The following IPO7 variants were observed in gnomAD, a reference collection of about 807,000 sequenced individuals.
The protein encoded by IPO7 is importin-7.
In IPO7, 13 loss-of-function variants were observed where a neutral mutation model predicts 136.4. That is an observed-to-expected ratio of 0.10 (90% CI 0.06 to 0.15). The LOEUF is 0.15. Ranked by LOEUF, IPO7 falls within the 10% of genes least tolerant of loss-of-function variation. The pLI is 1.00. For missense variants in IPO7, 857 were observed against 1,240.6 expected, an observed-to-expected ratio of 0.69 and a Z score of 4.65; for synonymous variants, 403 against 404.4, an observed-to-expected ratio of 1.00 and a Z score of 0.04.
At chr11:9,433,679 C>A (rs755242229) in intron 17 of IPO7, 42 bp from the exon 18 acceptor site, 1 of 1,612,756 alleles carries the variant, frequency 6.2e-7, no homozygotes, top group Non-Finnish European at 8.5e-7. Flanking sequence ...TGCTATTTCA[C>A]ATGAGCAAGC....
intron 24 of IPO7, 146 bp from the exon 25 acceptor site, chr11:9,444,951 G>C: frequency 1.6e-6 from 1 of 613,868 alleles, no homozygotes; most frequent in Non-Finnish European, 2.9e-6. Flanking sequence ...ATGCTCCCTT[G>C]CCCTTATACA....
chr11:9,433,842 T>C lies in IPO7; in HGVS notation c.2070T>C (p.Phe690=). ...EVFQQDGFDY[F]TDMMPLLHNY... The stretch of plus-strand genomic sequence containing the variant: ...TTCAGCAAGATGGCTTTGATTACTT[T>C]ACAGGTGAGTCAAAGCAGCATGGAA... The change falls in exon 18 of 25, where the codon TTT becomes TTC. Residue 690 remains phenylalanine (F), a synonymous_variant. Transcript: ENST00000379719. The C allele has an allele frequency of 1.2e-6, 2 of 1,610,350 alleles. No individual in the cohort carries two copies. The highest frequency in any genetic ancestry group is 1.7e-6 in the Non-Finnish European group (2 of 1,179,784).
intron 6 of IPO7, among the ~76,000 whole-genome samples, chr11:9,419,559 A>AAAAAAAAAAAAAAAT (rs1256216265): frequency 8.6e-6 from 1 of 116,866 alleles, no homozygotes; most frequent in African/African-American, 3.8e-5. Flanking sequence ...AAAAAAAAAA[A>AAAAAAAAAAAAAAAT]ATATATATAT....
At chr11:9,434,143 G>A (rs1855338858) in intron 18 of IPO7, among the ~76,000 whole-genome samples, 1 of 151,676 alleles carries the variant, frequency 6.6e-6, no homozygotes, top group Non-Finnish European at 1.5e-5. Flanking sequence ...GACTGGTCTC[G>A]AACTCCCGAC....
intron 18 of IPO7, among the ~76,000 whole-genome samples, chr11:9,434,387 T>C (rs1384603657): frequency 6.6e-6 from 1 of 152,214 alleles, no homozygotes; most frequent in Non-Finnish European, 1.5e-5. Flanking sequence ...CACCCCCTTG[T>C]AATCTTCTCC....
At chr11:9,389,958 T>C (rs1854605376) in intron 1 of IPO7, among the ~76,000 whole-genome samples, 1 of 152,174 alleles carries the variant, frequency 6.6e-6, no homozygotes, top group African/African-American at 2.4e-5. Context: ...GGTTTCACCA[T>C]GTTGGCCAGC....
intron 1 of IPO7, among the ~76,000 whole-genome samples, chr11:9,391,199 A>G (rs1854628603): frequency 6.6e-6 from 1 of 151,648 alleles, no homozygotes; most frequent in African/African-American, 2.4e-5. Flanking sequence ...GGAGTTCGAG[A>G]CAAGCCTGAT....
rs562457817 is a variant in IPO7 at position 9,405,417 on chromosome 11, G to C, written c.166+2046G>C. On this transcript the variant is annotated intron_variant, in intron 2 of 24. Transcript: ENST00000379719. ...TCTCCATCTCCTGACCTCGTGATCT[G>C]CCCTGCCTCTGCCTCCCAAAGTGCT... Among the ~76,000 whole-genome samples, 418 of 151,896 alleles carry C rather than the reference G, an allele frequency of 2.8e-3. 1 individual carries two copies. Among genetic ancestry groups the C allele is most frequent in the African/African-American group, 9.8e-3 (404 of 41,414 alleles).
chr11:9,409,217 T>A (rs1590434570), intron 3 of IPO7, among the ~76,000 whole-genome samples: 1 of 150,692 alleles, frequency 6.6e-6, no homozygotes, highest in Admixed American at 6.6e-5. Context: ...CAAGCAATCC[T>A]CCTGCCTCAG....
At chr11:9,430,188 C>T (rs1855273867) in intron 15 of IPO7, among the ~76,000 whole-genome samples, 1 of 152,132 alleles carries the variant, frequency 6.6e-6, no homozygotes, top group Non-Finnish European at 1.5e-5. Flanking sequence ...GGTACCAGTC[C>T]ACTGCCTGGA....
At chr11:9,417,173 A>G (rs1855053273) in intron 6 of IPO7, 25 bp downstream of exon 6, 2 of 946,558 alleles carry the variant, frequency 2.1e-6, no homozygotes. Flanking sequence ...GTTCTCTTAT[A>G]TTACTAAATG....
chr11:9,425,591 A>G (rs1475789458), intron 12 of IPO7, among the ~76,000 whole-genome samples: 3 of 152,098 alleles, frequency 2.0e-5, no homozygotes, highest in Non-Finnish European at 4.4e-5. Context: ...AAATACAAAA[A>G]TCCGCCGGGC....
chr11:9,409,169 C>T (rs1238057091), intron 3 of IPO7, among the ~76,000 whole-genome samples: 1 of 150,986 alleles, frequency 6.6e-6, no homozygotes, highest in African/African-American at 2.4e-5. Context: ...AGTGAGGTGG[C>T]GCAATCTCGG....
chr11:9,419,557 A>ATATATATATATATAT (rs1318848863), intron 6 of IPO7, among the ~76,000 whole-genome samples: 1 of 125,836 alleles, frequency 7.9e-6, no homozygotes, highest in African/African-American at 3.6e-5. Context: ...AAAAAAAAAA[A>ATATATATATATATAT]AAATATATAT....
At chr11:9,390,115 T>A (rs1333247389) in intron 1 of IPO7, among the ~76,000 whole-genome samples, 1 of 152,176 alleles carries the variant, frequency 6.6e-6, no homozygotes, top group Non-Finnish European at 1.5e-5. Flanking sequence ...GGTCTCGAAC[T>A]CCTGACCTCA....
intron 15 of IPO7, 88 bp from the exon 16 acceptor site, chr11:9,430,787 G>T (rs1239345760): frequency 6.7e-6 from 7 of 1,039,152 alleles, no homozygotes; most frequent in South Asian, 1.5e-5. Context: ...GTATCCCAAT[G>T]AGAACGTTCT....
intron 16 of IPO7, among the ~76,000 whole-genome samples, chr11:9,432,183 A>G (rs1855303669): frequency 6.7e-6 from 1 of 150,278 alleles, no homozygotes; most frequent in African/African-American, 2.5e-5. Flanking sequence ...CTTTTGCAGC[A>G]TGAGGTTTTT....
chr11:9,412,271 GA>G (rs951588759), intron 4 of IPO7, among the ~76,000 whole-genome samples: 18 of 151,542 alleles, frequency 1.2e-4, no homozygotes, highest in Admixed American at 7.2e-4. Context: ...CACCTGGTAG[GA>G]AAAAAAATAG....
chr11:9,413,818 A>G (rs1855002093), intron 4 of IPO7, among the ~76,000 whole-genome samples: 1 of 151,972 alleles, frequency 6.6e-6, no homozygotes, highest in Non-Finnish European at 1.5e-5. Flanking sequence ...TTGTGTGAAT[A>G]GTAGCAGCTG....
Sources: gnomAD v4.1 joint callset for allele counts (sites outside exome capture counted in the v4.1 genomes callset) on GRCh38, gnomAD v4.1.1 for gene constraint, MANE v1.5 for transcripts, NCBI Gene and HGNC (gene_info 2026-07-23, HGNC 2026-07-21) for gene names.